The following GBP5 variants were observed in gnomAD, a reference collection of about 807,000 sequenced individuals.
The protein encoded by GBP5 is guanylate binding protein 5, also known as guanylate-binding protein 5.
Under a neutral mutation model 58.2 loss-of-function variants are expected in GBP5, and 48 were observed. That is an observed-to-expected ratio of 0.83 (90% confidence interval 0.65 to 1.05). The LOEUF (loss-of-function observed/expected upper bound fraction) is 1.05. GBP5 is among the 50% of genes least tolerant of loss of function. GBP5 has a pLI of 0.00. For missense variants in GBP5, 714 were observed against 686.8 expected (o/e 1.04, Z -0.44); for synonymous variants, 248 against 251.8 (o/e 0.98, Z 0.14).
At chr1:89,264,108 A>G (rs553113) in intron 8 of GBP5, among the ~76,000 whole-genome samples, 160 bp from the exon 9 acceptor site, 5,008 of 152,168 alleles carry the variant, frequency 0.033, 291 homozygotes, top group African/African-American at 0.11. Context: ...AATTCCAAGG[A>G]TGATACTCTA....
intron 2 of GBP5, 181 bp from the exon 3 acceptor site, chr1:89,269,755 A>G (rs889931025): frequency 1.1e-5 from 5 of 465,984 alleles, no homozygotes; most frequent in African/African-American, 9.8e-5. Context: ...TTTAAAACAA[A>G]AGTAAGTCCT....
chr1:89,270,304 C>T (rs1194864300), intron 2 of GBP5: 1 of 152,082 alleles, frequency 6.6e-6, no homozygotes, highest in Non-Finnish European at 1.5e-5. Flanking sequence ...TGAGAAAAAG[C>T]AAATGCCATA....
rs58111009 is a variant in GBP5, at chr1:89,266,295, T to A, written c.868+51A>T. On this transcript the variant is annotated intron_variant, in intron 7 of 11. Coordinates refer to ENST00000370459, the MANE Select transcript of GBP5 (RefSeq NM_052942.5). Reference sequence around the variant, plus strand: ...TGCAAGGATAATCTTATAAAAAGTGTCCCTTATAGTTTACATTAAATTGAA... The same window carrying A: ...TGCAAGGATAATCTTATAAAAAGTGACCCTTATAGTTTACATTAAATTGAA... The A allele has an allele frequency of 1.3e-4, 195 of 1,471,294 alleles. No individual in the cohort carries two copies. The African/African-American group carries it at 1.9e-3, about 14-fold the overall frequency. 91.1% of individuals were successfully genotyped at this position (1,471,294 alleles called of 1,614,324 possible).
rs373455084 is a variant in GBP5 at position 89,263,025 on chromosome 1, C to T, written c.1363-240G>A. ...CCTGTCACAAGTTTGGCCATGACTC[C>T]ATGGTCAGTCAGAGCATGCAAGTCC... On this transcript the variant is annotated intron_variant, in intron 9 of 11. Coordinates refer to ENST00000370459, the MANE Select transcript of GBP5 (RefSeq NM_052942.5). The T allele has an allele frequency of 6.1e-5, 22 of 358,898 alleles. 3 individuals are homozygous for T. The highest frequency in any genetic ancestry group is 1.3e-4 in the Admixed American group (3 of 23,346). 22.2% of individuals were successfully genotyped at this position (358,898 alleles called of 1,614,324 possible).
At chr1:89,269,613 G>T in intron 2 of GBP5, 39 bp from the exon 3 acceptor site, 1 of 1,407,032 alleles carries the variant, frequency 7.1e-7, no homozygotes. Context: ...AATTTCTGGT[G>T]TTTGTTTAAT....
At chr1:89,260,969 T>C (rs1485239595) in intron 11 of GBP5, 152 bp from the exon 12 acceptor site, 2 of 599,952 alleles carry the variant, frequency 3.3e-6, no homozygotes, top group Non-Finnish European at 6.0e-6. Flanking sequence ...TCTGTAATTA[T>C]TCACCCTCCT....
intron 2 of GBP5, chr1:89,269,981 C>T (rs1356398445): frequency 5.2e-5 from 8 of 152,514 alleles, no homozygotes; most frequent in African/African-American, 1.9e-4. Context: ...GTTCCTTTTA[C>T]TTTGTGTCAA....
intron 8 of GBP5, 21 bp from the exon 9 acceptor site, chr1:89,263,969 A>G: frequency 7.3e-7 from 1 of 1,376,190 alleles, no homozygotes; most frequent in Non-Finnish European, 1.0e-6. Context: ...ACAAAAACCC[A>G]TGGAAAAGAT....
At chr1:89,267,280 A>G in intron 5 of GBP5, 127 bp from the exon 6 acceptor site, 3 of 977,744 alleles carry the variant, frequency 3.1e-6, no homozygotes, top group Non-Finnish European at 4.6e-6. Flanking sequence ...ATCAGTAAAT[A>G]TAAGGGCTCC....
chr1:89,266,226 AT>A, intron 7 of GBP5, 119 bp downstream of exon 7: 1 of 817,090 alleles, frequency 1.2e-6, no homozygotes. Flanking sequence ...GATACATATG[AT>A]TTTCACAGTA....
intron 7 of GBP5, 147 bp downstream of exon 7, chr1:89,266,199 T>C (rs758293190): frequency 6.0e-5 from 42 of 703,778 alleles, no homozygotes; most frequent in Non-Finnish European, 8.8e-5. Flanking sequence ...TGATACCCAC[T>C]GAAACTTAAT....
intron 8 of GBP5, 60 bp from the exon 9 acceptor site, chr1:89,264,008 T>A: frequency 2.0e-6 from 2 of 1,023,172 alleles, no homozygotes; most frequent in Admixed American, 2.1e-5. Flanking sequence ...TTTCTGGAAA[T>A]AATTCTGAAA....
chr1:89,272,001 T>C (rs1650474438), intron 1 of GBP5: 1 of 152,238 alleles, frequency 6.6e-6, no homozygotes, highest in African/African-American at 2.4e-5. Context: ...AACTTCTCTC[T>C]GGGCAACATT....
Position 89,264,927 on chromosome 1 carries a change from C to T in GBP5, c.908G>A (p.Ser303Asn), listed in dbSNP as rs1463956940. 6.2e-7 allele frequency: 1 copy of T among 1,614,204 alleles called. No individual in the cohort carries two copies. Residue 303 changes from serine (S) to asparagine (N), a missense_variant, in exon 8 of 12, where the codon AGC becomes AAC. Coordinates refer to ENST00000370459, the MANE Select transcript of GBP5 (RefSeq NM_052942.5). ...NLVLTYVNAI[S>N]SGDLPCIENA... ...CTCTATGCAAGGCAGATCCCCACTG[C>T]TGATGGCATTGACATAGGTCAGCAC...
Position 89,257,391 on chromosome 1 carries a change from C to T in GBP5, c.*3313G>A, listed in dbSNP as rs531907836. 3.9e-5 allele frequency among the ~76,000 whole-genome samples: 6 copies of T among 152,248 alleles called. No individual in the cohort carries two copies. Among genetic ancestry groups the T allele is most frequent in the Middle Eastern group, 3.4e-3 (1 of 294 alleles). ...CTCCCACCTGGTCCCTCCCACAACA[C>T]GTGGGCATTATGGGAGCCATAATTC... On this transcript the variant is annotated 3_prime_UTR_variant, in exon 12 of 12. Coordinates refer to ENST00000370459, the MANE Select transcript of GBP5 (RefSeq NM_052942.5).
At chr1:89,268,558 T>C (rs907990456) in intron 4 of GBP5, among the ~76,000 whole-genome samples, 171 bp downstream of exon 4, 1 of 152,208 alleles carries the variant, frequency 6.6e-6, no homozygotes, top group Non-Finnish European at 1.5e-5. Context: ...GGCTTATAAA[T>C]GTATTTTCTC....
chr1:89,259,828 C>T lies in GBP5; in HGVS notation c.*876G>A, dbSNP rs1400693756. 2 of 152,368 alleles carry T rather than the reference C, an allele frequency of 1.3e-5. No individual in the cohort carries two copies. The highest frequency in any genetic ancestry group is 2.1e-4 in the South Asian group (1 of 4,832). The allele number at this position is 152,368 out of a possible 1,614,324, so 9.4% of individuals were successfully genotyped here. A position where few individuals can be genotyped will look rare whatever the true frequency, so the allele number is the denominator to read the frequency against. ...AAAGTCTCCACAAATGGCCTTGCCCCCCCGACACCCCCGCACACACACACA... is the reference window on the plus strand; with the variant it reads ...AAAGTCTCCACAAATGGCCTTGCCCTCCCGACACCCCCGCACACACACACA... On this transcript the variant is annotated 3_prime_UTR_variant, in exon 12 of 12. Transcript: ENST00000370459.
rs989910659 is a variant in GBP5 at position 89,260,424 on chromosome 1, T to A, written c.*280A>T. On this transcript the variant is annotated 3_prime_UTR_variant, in exon 12 of 12. Coordinates refer to ENST00000370459, the MANE Select transcript of GBP5 (RefSeq NM_052942.5). ...GAGATGCAAGGAAAGCATCTCCTGA[T>A]GAAACCATCCCAATATCACGCATAA... 6 of 260,574 alleles carry A rather than the reference T, an allele frequency of 2.3e-5. No individual in the cohort carries two copies. Among genetic ancestry groups the A allele is most frequent in the African/African-American group, 1.3e-4 (6 of 44,564 alleles). The allele number at this position is 260,574 out of a possible 1,614,324, so 16.1% of individuals were successfully genotyped here.
In GBP5 at chr1:89,263,956, G is replaced by A; in HGVS notation, c.1150-8C>T. The A allele has an allele frequency of 6.5e-7, 1 of 1,545,540 alleles. No homozygotes were observed. Among genetic ancestry groups the A allele is most frequent in the Non-Finnish European group, 8.9e-7 (1 of 1,121,414 alleles). ...TTTTGCATCTAGTAGAGTCTTCAAAGAGACAAAAACCCATGGAAAAGATGT... is the reference window on the plus strand; with the variant it reads ...TTTTGCATCTAGTAGAGTCTTCAAAAAGACAAAAACCCATGGAAAAGATGT... On this transcript the variant is annotated splice_polypyrimidine_tract_variant and splice_region_variant and intron_variant, in intron 8 of 11. Transcript: ENST00000370459.
Sources: gnomAD v4.1 joint callset for allele counts (sites outside exome capture counted in the v4.1 genomes callset) on GRCh38, gnomAD v4.1.1 for gene constraint, MANE v1.5 for transcripts, NCBI Gene and HGNC (gene_info 2026-07-23, HGNC 2026-07-21) for gene names.